Variants in ZNF618 observed in about 807,000 individuals in gnomAD.
ZNF618 encodes the protein zinc finger protein 618.
A neutral mutation model predicts 103.0 loss-of-function variants in ZNF618; 34 were observed. The observed-to-expected ratio is 0.33, with a 90% confidence interval of 0.25 to 0.44. The LOEUF (loss-of-function observed/expected upper bound fraction) is 0.44, where lower values mean the gene tolerates loss of function less well. Ranked by LOEUF, ZNF618 falls within the 20% of genes least tolerant of loss-of-function variation. The pLI is 1.00. For synonymous variants in ZNF618, 551 were observed against 542.2 expected (o/e 1.02, Z -0.23); for missense variants, 1,059 against 1,295.4 (o/e 0.82, Z 2.80).
intron 2 of ZNF618, among the ~76,000 whole-genome samples, chr9:113,974,326 G>C (rs1041676677): frequency 6.6e-6 from 1 of 152,214 alleles, no homozygotes; most frequent in Non-Finnish European, 1.5e-5. Flanking sequence ...GAGAACAACA[G>C]GTGCAAAGGC....
At chr9:113,931,388 C>T (rs530079504) in intron 1 of ZNF618, among the ~76,000 whole-genome samples, 1 of 152,266 alleles carries the variant, frequency 6.6e-6, no homozygotes, top group Middle Eastern at 3.4e-3. Context: ...GCAGAAGGGA[C>T]AGCATGTGCC....
intron 1 of ZNF618, among the ~76,000 whole-genome samples, chr9:113,959,033 A>C (rs1178806542): frequency 6.6e-6 from 1 of 152,152 alleles, no homozygotes; most frequent in African/African-American, 2.4e-5. Context: ...TCATGCCTGT[A>C]AATCCCAGCA....
chr9:114,049,153 G>C lies in ZNF618; in HGVS notation c.1851G>C (p.Thr617=). 6.2e-7 allele frequency: 1 copy of C among 1,613,844 alleles called. No individual in the cohort carries two copies. Among genetic ancestry groups the C allele is most frequent in the Non-Finnish European group, 8.5e-7 (1 of 1,179,892 alleles). Residue 617 remains threonine (T), a synonymous_variant, in exon 15 of 15, where the codon ACG becomes ACC. Transcript: ENST00000374126. ...CGGAGATCAGGACAGTGTACGTGAC[G>C]GATTGCCGGGTGAGCACGTCCGCCT... ...VMSEIRTVYV[T]DCRVSTSAFS...
chr9:113,905,081 T>A (rs1318985347), intron 1 of ZNF618, among the ~76,000 whole-genome samples: 1 of 152,016 alleles, frequency 6.6e-6, no homozygotes, highest in Non-Finnish European at 1.5e-5. Context: ...CGTTTGATTT[T>A]TTTTTTCCAA....
At chr9:113,900,641 C>G (rs1402543901) in intron 1 of ZNF618, among the ~76,000 whole-genome samples, 1 of 148,688 alleles carries the variant, frequency 6.7e-6, no homozygotes, top group Non-Finnish European at 1.5e-5. Context: ...CTCCCGCGAA[C>G]CCGAGCTCCC....
At chr9:114,015,974 G>A (rs931596909) in intron 9 of ZNF618, 9 of 721,284 alleles carry the variant, frequency 1.2e-5, no homozygotes, top group Non-Finnish European at 1.7e-5. Context: ...AGATGAGACA[G>A]AATGAAGAGT....
At chr9:113,950,632 T>G (rs1041228080) in intron 1 of ZNF618, among the ~76,000 whole-genome samples, 8 of 152,178 alleles carry the variant, frequency 5.3e-5, no homozygotes, top group African/African-American at 1.7e-4. Context: ...AGGCCTGCAC[T>G]CTGTGAATAA....
chr9:113,982,797 C>T (rs1380386062), intron 2 of ZNF618, among the ~76,000 whole-genome samples: 1 of 152,170 alleles, frequency 6.6e-6, no homozygotes, highest in Non-Finnish European at 1.5e-5. Context: ...ACCCCTAGAC[C>T]TTCAAGGAAC....
intron 12 of ZNF618, 60 bp downstream of exon 12, chr9:114,032,788 C>G: frequency 6.8e-7 from 1 of 1,476,706 alleles, no homozygotes; most frequent in African/African-American, 1.4e-5. Context: ...CCGCTCCCCC[C>G]TGGCAGCCGC....
At chr9:113,952,502 G>A (rs1405765549) in intron 1 of ZNF618, among the ~76,000 whole-genome samples, 1 of 152,200 alleles carries the variant, frequency 6.6e-6, no homozygotes, top group East Asian at 1.9e-4. Context: ...GTTTGGGGGT[G>A]CAGTCTGACT....
Position 114,047,964 on chromosome 9 carries a change from C to T in ZNF618, c.1318C>T (p.Pro440Ser). The change falls in exon 14 of 15, where the codon CCT (proline) becomes TCT (serine). Residue 440 changes from proline (P) to serine (S), a missense_variant. Pro to Ser is a moderately conservative substitution (Grantham distance 74, BLOSUM62 -1). Transcript: ENST00000374126. ...PPAVVEEKWK[P>S]QAQRNSANNT... ...TGCTGTTGTAGAAGAGAAGTGGAAA[C>T]CTCAGGCCCAGAGGAACAGTGCCAA... The T allele has an allele frequency of 6.3e-7, 1 of 1,596,836 alleles. No homozygotes were observed.
intron 6 of ZNF618, among the ~76,000 whole-genome samples, chr9:114,003,832 C>T (rs942288): frequency 0.9 from 137,314 of 152,214 alleles, 62,368 homozygotes; most frequent in East Asian, 1. Flanking sequence ...CATTTTTCTG[C>T]AGAGGGCCAG....
At chr9:114,042,268 T>G (rs7863836) in intron 13 of ZNF618, among the ~76,000 whole-genome samples, 107,100 of 152,158 alleles carry the variant, frequency 0.7, 38,128 homozygotes, top group African/African-American at 0.78. Flanking sequence ...TTTTAAAATA[T>G]GACTTACAGA....
intron 1 of ZNF618, among the ~76,000 whole-genome samples, chr9:113,900,790 C>T (rs34505369): frequency 9.9e-6 from 1 of 101,006 alleles, no homozygotes; most frequent in Non-Finnish European, 1.8e-5. Context: ...CCGTCCTCTC[C>T]CGCAAACCCG....
intron 1 of ZNF618, among the ~76,000 whole-genome samples, chr9:113,927,837 A>G (rs540070048): frequency 7.2e-4 from 110 of 152,320 alleles, no homozygotes; most frequent in Non-Finnish European, 1.2e-3. Context: ...TTTTTCTTCC[A>G]TCTTAACTCT....
At chr9:114,001,031 A>G (rs1345170533) in intron 4 of ZNF618, among the ~76,000 whole-genome samples, 1 of 152,198 alleles carries the variant, frequency 6.6e-6, no homozygotes, top group African/African-American at 2.4e-5. Context: ...TCTGTTAGGA[A>G]GAGCAAGGCC....
chr9:114,035,878 T>C (rs556398186), intron 12 of ZNF618, among the ~76,000 whole-genome samples: 2 of 152,194 alleles, frequency 1.3e-5, no homozygotes, highest in Admixed American at 6.5e-5. Context: ...CATACATTCA[T>C]TCATTTGTTC....
rs758978260 is a variant in ZNF618, at chr9:114,032,668, G to A, written c.1108G>A (p.Val370Ile). The A allele has an allele frequency of 1.9e-6, 3 of 1,613,934 alleles. No homozygotes were observed. The change falls in exon 12 of 15, where the codon GTA (valine) becomes ATA (isoleucine). Residue 370 changes from valine to isoleucine, a missense_variant. By Grantham distance (29) the Val-to-Ile change is conservative. Around this residue, in one of 6 missense-constraint regions of ZNF618, gnomAD observed 434 missense variants for 476.0 expected, o/e 0.91. Coordinates refer to ENST00000374126, the MANE Select transcript of ZNF618 (RefSeq NM_001318042.2). ...AGCAGAAAGCGCTTTCAGTCGGAGA[G>A]TAGAAGGCAAAGCACAAAACCACTT... ...TAAESAFSRR[V>I]EGKAQNHFEE...
In ZNF618 at chr9:113,998,285, C is replaced by T. The variant is rs1588284737; in HGVS notation, c.364C>T (p.His122Tyr). 1 of 1,550,602 alleles carries T rather than the reference C, an allele frequency of 6.4e-7. No individual in the cohort carries two copies. Among genetic ancestry groups the T allele is most frequent in the Admixed American group, 2.0e-5 (1 of 51,014 alleles). ...TGGAAAAGCGCCCGAAGGCAGCCCCCACGGTGGATCTGTGCGAAGCCGGTA... is the reference window on the plus strand; with the variant it reads ...TGGAAAAGCGCCCGAAGGCAGCCCCTACGGTGGATCTGTGCGAAGCCGGTA... The part of the protein sequence containing the change: ...LDGKAPEGSP[H>Y]GGSVRSRYSG... Residue 122 changes from histidine to tyrosine, a missense_variant, in exon 4 of 15, where the codon CAC becomes TAC. Transcript: ENST00000374126.
Sources: allele counts gnomAD v4.1 joint callset (sites outside exome capture counted in the v4.1 genomes callset), GRCh38; gene constraint gnomAD v4.1.1; regional missense constraint gnomAD v4.1.1; transcripts MANE v1.5; gene names NCBI Gene and HGNC (gene_info 2026-07-23, HGNC 2026-07-21).